The following EPB41L4A variants were observed in gnomAD, a reference collection of about 807,000 sequenced individuals.
EPB41L4A encodes the protein erythrocyte membrane protein band 4.1 like 4A, also known as band 4.1-like protein 4A.
EPB41L4A carries 100 observed loss-of-function variants against 108.6 expected under a neutral mutation model. The observed-to-expected ratio is 0.92, with a 90% confidence interval of 0.78 to 1.09. The LOEUF (loss-of-function observed/expected upper bound fraction) is 1.09, where lower values mean the gene tolerates loss of function less well. Ranked by LOEUF, EPB41L4A falls within the 50% of genes least tolerant of loss-of-function variation. The pLI is 0.00. For missense variants in EPB41L4A, 1,030 were observed against 842.7 expected (o/e 1.22, Z -2.75); for synonymous variants, 319 against 289.0 (o/e 1.10, Z -1.05).
chr5:112,334,168 G>C (rs967081785), intron 1 of EPB41L4A, among the ~76,000 whole-genome samples: 1 of 152,084 alleles, frequency 6.6e-6, no homozygotes, highest in Admixed American at 6.6e-5. Context: ...AACCCTTTTT[G>C]TAGCAACAAG....
At chr5:112,332,983 A>C (rs1369087330) in intron 1 of EPB41L4A, among the ~76,000 whole-genome samples, 2 of 152,252 alleles carry the variant, frequency 1.3e-5, no homozygotes, top group Admixed American at 1.3e-4. Context: ...TATGGAAAGA[A>C]GAGAGAAATG....
intron 9 of EPB41L4A, among the ~76,000 whole-genome samples, chr5:112,248,925 A>G (rs985864688): frequency 5.3e-5 from 8 of 152,074 alleles, no homozygotes; most frequent in Non-Finnish European, 2.9e-5. Context: ...TTGTTTTGGG[A>G]AACAGCCACA....
At chr5:112,402,192 G>C (rs920298628) in intron 1 of EPB41L4A, among the ~76,000 whole-genome samples, 1 of 152,128 alleles carries the variant, frequency 6.6e-6, no homozygotes, top group African/African-American at 2.4e-5. Context: ...TTGTTTAAAA[G>C]TGTGTAGCAC....
At chr5:112,413,649 G>A (rs759702721) in intron 1 of EPB41L4A, among the ~76,000 whole-genome samples, 5 of 152,148 alleles carry the variant, frequency 3.3e-5, no homozygotes, top group African/African-American at 7.2e-5. Context: ...ACCTACCTCC[G>A]CTTGGTCAGG....
At chr5:112,303,325 C>CA (rs539832476) in intron 2 of EPB41L4A, among the ~76,000 whole-genome samples, 111 of 152,248 alleles carry the variant, frequency 7.3e-4, no homozygotes, top group South Asian at 8.3e-4. Context: ...GTTCAATACT[C>CA]AGAGTACTCG....
intron 1 of EPB41L4A, among the ~76,000 whole-genome samples, chr5:112,309,486 T>TAC (rs1754910097): frequency 1.3e-5 from 2 of 152,258 alleles, no homozygotes; most frequent in African/African-American, 4.8e-5. Flanking sequence ...CTAAGATATT[T>TAC]ACAAAGTGAA....
intron 1 of EPB41L4A, among the ~76,000 whole-genome samples, chr5:112,361,283 T>A (rs1758737540): frequency 6.6e-6 from 1 of 152,140 alleles, no homozygotes; most frequent in South Asian, 2.1e-4. Flanking sequence ...TTAAGGGCGG[T>A]GCAAGATGTG....
chr5:112,406,987 C>A (rs1294047842), intron 1 of EPB41L4A, among the ~76,000 whole-genome samples: 2 of 152,070 alleles, frequency 1.3e-5, no homozygotes, highest in African/African-American at 2.4e-5. Context: ...GTCTGCTGCA[C>A]TTTGGGTAGC....
intron 12 of EPB41L4A, among the ~76,000 whole-genome samples, chr5:112,226,649 G>C (rs1748474819): frequency 6.6e-6 from 1 of 152,044 alleles, no homozygotes; most frequent in South Asian, 2.1e-4. Flanking sequence ...CTGGAGAGCA[G>C]TGAAGATCTG....
intron 1 of EPB41L4A, among the ~76,000 whole-genome samples, chr5:112,412,232 T>C (rs540430916): frequency 1.3e-5 from 2 of 152,330 alleles, no homozygotes; most frequent in South Asian, 4.1e-4. Flanking sequence ...TGTTCTAACT[T>C]CCTCTTGGCA....
Position 112,339,500 on chromosome 5 carries a change from ATATATATATAGATATATAGATATATATC to A in EPB41L4A, c.100-32038_100-32011del, listed in dbSNP as rs1561585236. ...TATATATATATATATATATATCTAT[ATATATATATAGATATATAGATATATATC>A]TATATATATATATATTTTTTTTTTA... On this transcript the variant is annotated intron_variant, in intron 1 of 22. Coordinates refer to ENST00000261486, the MANE Select transcript of EPB41L4A (RefSeq NM_022140.5). Among the ~76,000 whole-genome samples, 159 of 43,206 alleles carry A rather than the reference ATATATATATAGATATATAGATATATATC, an allele frequency of 3.7e-3. 1 individual carries two copies. The highest frequency in any genetic ancestry group is 9.6e-3 in the Admixed American group (28 of 2,928). The allele number at this position is 43,206 out of a possible 152,430, so 28.3% of individuals were successfully genotyped here. A position where few individuals can be genotyped will look rare whatever the true frequency, so the allele number is the denominator to read the frequency against.
chr5:112,387,364 C>T (rs1303281870), intron 1 of EPB41L4A, among the ~76,000 whole-genome samples: 1 of 152,192 alleles, frequency 6.6e-6, no homozygotes, highest in African/African-American at 2.4e-5. Context: ...CGGTGGCTCA[C>T]GCCTGAAATC....
intron 18 of EPB41L4A, among the ~76,000 whole-genome samples, chr5:112,179,990 G>C (rs1226124423): frequency 6.6e-6 from 1 of 152,080 alleles, no homozygotes; most frequent in Non-Finnish European, 1.5e-5. Context: ...TGTAGCATCA[G>C]TATTTTTAAA....
At chr5:112,282,141 C>T (rs772964785) in intron 2 of EPB41L4A, among the ~76,000 whole-genome samples, 2 of 152,116 alleles carry the variant, frequency 1.3e-5, no homozygotes, top group African/African-American at 2.4e-5. Context: ...GAGCCCACAG[C>T]GACTAAAAAT....
At chr5:112,283,609 G>A (rs894866127) in intron 2 of EPB41L4A, among the ~76,000 whole-genome samples, 79 of 152,270 alleles carry the variant, frequency 5.2e-4, no homozygotes, top group African/African-American at 1.8e-3. Flanking sequence ...TGGTCATGGA[G>A]TGCCAATATT....
chr5:112,186,017 G>A (rs1392502485), intron 17 of EPB41L4A, among the ~76,000 whole-genome samples: 1 of 152,056 alleles, frequency 6.6e-6, no homozygotes, highest in Non-Finnish European at 1.5e-5. Flanking sequence ...GTGCTGCGCT[G>A]GCAAGGTGGC....
intron 1 of EPB41L4A, among the ~76,000 whole-genome samples, chr5:112,360,419 G>A (rs7731356): frequency 0.23 from 34,455 of 152,064 alleles, 4,636 homozygotes; most frequent in African/African-American, 0.37. Context: ...GATTGCAGGC[G>A]CGCACCGCCA....
chr5:112,325,644 T>C (rs559184229), intron 1 of EPB41L4A, among the ~76,000 whole-genome samples: 2 of 152,130 alleles, frequency 1.3e-5, no homozygotes, highest in Admixed American at 6.6e-5. Flanking sequence ...GAAAAGGTAA[T>C]GAGGAGGTCA....
intron 1 of EPB41L4A, among the ~76,000 whole-genome samples, chr5:112,356,356 C>T (rs962725713): frequency 1.3e-5 from 2 of 152,172 alleles, no homozygotes; most frequent in Non-Finnish European, 2.9e-5. Context: ...TATTACATCA[C>T]TGTCTAACTT....
Sources: allele counts gnomAD v4.1 joint callset (sites outside exome capture counted in the v4.1 genomes callset), GRCh38; gene constraint gnomAD v4.1.1; transcripts MANE v1.5; gene names NCBI Gene and HGNC (gene_info 2026-07-23, HGNC 2026-07-21).